Variants in UGT3A1 observed in about 807,000 individuals in gnomAD.
UGT3A1 encodes the protein UDP glycosyltransferase family 3 member A1, also known as UDP-glycosyltransferase 3A1.
Under a neutral mutation model 37.6 loss-of-function variants are expected in UGT3A1, and 40 were observed. The ratio of observed to expected loss-of-function variants is 1.06; its 90% confidence interval spans 0.83 to 1.38. The LOEUF is 1.38. UGT3A1 is among the 40% of genes most tolerant of loss of function. The probability of loss-of-function intolerance (pLI) is 0.00; values close to 1 mark genes in which losing one functional copy is unlikely to be tolerated. For synonymous variants in UGT3A1, 256 were observed against 232.3 expected, an observed-to-expected ratio of 1.10 and a Z score of -0.93; for missense variants, 642 against 634.2, an observed-to-expected ratio of 1.01 and a Z score of -0.13.
intron 2 of UGT3A1, among the ~76,000 whole-genome samples, chr5:35,975,455 CT>C (rs1346619967): frequency 1.3e-5 from 2 of 152,182 alleles, no homozygotes; most frequent in African/African-American, 2.4e-5. Context: ...CTTGCTTTCC[CT>C]TCATGCAATG....
chr5:35,986,025 A>C lies in UGT3A1; in HGVS notation c.196+2425T>G, dbSNP rs1740715605. On this transcript the variant is annotated intron_variant, in intron 2 of 6. Transcript: ENST00000274278. Reference sequence around the variant, plus strand: ...AACTTAATAGCAAATAAATAGTTAAAAATGGGAAAAAGATCTGAATAGACA... The same window carrying C: ...AACTTAATAGCAAATAAATAGTTAACAATGGGAAAAAGATCTGAATAGACA... 2.0e-5 allele frequency among the ~76,000 whole-genome samples: 3 copies of C among 152,286 alleles called. No homozygotes were observed. In the East Asian group the frequency reaches 5.8e-4, roughly 29 times the overall value.
intron 4 of UGT3A1, among the ~76,000 whole-genome samples, chr5:35,959,019 G>GA (rs1328844655): frequency 6.6e-6 from 1 of 152,226 alleles, no homozygotes; most frequent in Non-Finnish European, 1.5e-5. Context: ...GTTATGGACA[G>GA]AAGAATATAA....
chr5:35,992,967 T>C (rs1487014333), upstream of UGT3A1, among the ~76,000 whole-genome samples: 1 of 152,168 alleles, frequency 6.6e-6, no homozygotes, highest in East Asian at 1.9e-4. Context: ...CCCCCATATG[T>C]TGCCCACAAG....
chr5:35,972,412 G>C (rs1314999242), intron 2 of UGT3A1, among the ~76,000 whole-genome samples: 1 of 151,948 alleles, frequency 6.6e-6, no homozygotes, highest in Non-Finnish European at 1.5e-5. Context: ...GATCTTGCTT[G>C]AGACTTTCCA....
intron 2 of UGT3A1, 67 bp downstream of exon 2, chr5:35,988,383 T>TA (rs1316512768): frequency 8.2e-7 from 1 of 1,214,286 alleles, no homozygotes; most frequent in Non-Finnish European, 1.2e-6. Context: ...TGCAGCTGTA[T>TA]AAAAAATATA....
chr5:35,982,077 T>A (rs921084571), intron 2 of UGT3A1, among the ~76,000 whole-genome samples: 1 of 152,244 alleles, frequency 6.6e-6, no homozygotes, highest in Non-Finnish European at 1.5e-5. Context: ...AGAGTTGAGA[T>A]TTGGAAGCCT....
At chr5:35,963,037 G>A (rs2149957330) in intron 4 of UGT3A1, 1 of 669,752 alleles carries the variant, frequency 1.5e-6, no homozygotes, top group East Asian at 2.7e-5. Flanking sequence ...AGAAAGCAAG[G>A]GACTTTCTCT....
chr5:35,983,326 C>T (rs770258734), intron 2 of UGT3A1, among the ~76,000 whole-genome samples: 2 of 152,020 alleles, frequency 1.3e-5, no homozygotes, highest in South Asian at 2.1e-4. Flanking sequence ...TTCCAAGGCA[C>T]GTAAAACCTA....
At chr5:36,000,208 C>G (rs1181475664) in intron 1 of UGT3A1, among the ~76,000 whole-genome samples, 1 of 152,164 alleles carries the variant, frequency 6.6e-6, no homozygotes, top group South Asian at 2.1e-4. Context: ...TTAACTGTCC[C>G]CTTATGAAAT....
intron 1 of UGT3A1, among the ~76,000 whole-genome samples, chr5:35,997,676 C>T (rs373230369): frequency 2.0e-5 from 3 of 152,128 alleles, no homozygotes; most frequent in Non-Finnish European, 4.4e-5. Context: ...CCACCCACCT[C>T]GGCCTCCCAA....
intron 2 of UGT3A1, among the ~76,000 whole-genome samples, chr5:35,969,617 T>C (rs890284838): frequency 6.6e-6 from 1 of 152,192 alleles, no homozygotes; most frequent in Non-Finnish European, 1.5e-5. Flanking sequence ...CTTAACCCTT[T>C]GGAAATTTAA....
At chr5:35,978,541 A>C (rs1307658325) in intron 2 of UGT3A1, among the ~76,000 whole-genome samples, 2 of 151,798 alleles carry the variant, frequency 1.3e-5, no homozygotes, top group Admixed American at 6.6e-5. Flanking sequence ...AAACCATCAG[A>C]TCTCATAAGA....
chr5:35,963,091 C>T (rs1258224900), intron 4 of UGT3A1: 1 of 621,696 alleles, frequency 1.6e-6, no homozygotes, highest in African/African-American at 1.8e-5. Context: ...TGGATGCCAC[C>T]CACAGGTGCC....
chr5:35,994,539 C>T (rs1055702096), upstream of UGT3A1, among the ~76,000 whole-genome samples: 3 of 152,016 alleles, frequency 2.0e-5, no homozygotes, highest in East Asian at 3.9e-4. Flanking sequence ...AGAAGCACTC[C>T]CTAAGATGTT....
intron 1 of UGT3A1, among the ~76,000 whole-genome samples, chr5:35,989,836 A>G (rs1391484218): frequency 1.3e-5 from 2 of 152,192 alleles, no homozygotes; most frequent in Non-Finnish European, 2.9e-5. Flanking sequence ...GAACTAACAC[A>G]GTTTCTTAGT....
chr5:35,987,976 G>A (rs767791765), intron 2 of UGT3A1, among the ~76,000 whole-genome samples: 4 of 152,148 alleles, frequency 2.6e-5, no homozygotes, highest in African/African-American at 4.8e-5. Flanking sequence ...AGCATATGAG[G>A]TCGTGTTAAT....
chr5:35,976,237 C>A (rs918925435), intron 2 of UGT3A1, among the ~76,000 whole-genome samples: 1 of 152,168 alleles, frequency 6.6e-6, no homozygotes, highest in African/African-American at 2.4e-5. Context: ...AGTTACTGTA[C>A]TGATTGAAAT....
At chr5:35,990,858 G>T in intron 1 of UGT3A1, 1 of 1,151,274 alleles carries the variant, frequency 8.7e-7, no homozygotes, top group Non-Finnish European at 1.1e-6. Flanking sequence ...TCAAGCTCTG[G>T]TCCTGGTCTC....
At chr5:35,986,176 G>A (rs1482462195) in intron 2 of UGT3A1, among the ~76,000 whole-genome samples, 1 of 151,870 alleles carries the variant, frequency 6.6e-6, no homozygotes, top group Admixed American at 6.6e-5. Context: ...TCTGAAAAAC[G>A]GAATAATGAA....
Sources: allele counts gnomAD v4.1 joint callset (sites outside exome capture counted in the v4.1 genomes callset), GRCh38; gene constraint gnomAD v4.1.1; transcripts MANE v1.5; gene names NCBI Gene and HGNC (gene_info 2026-07-23, HGNC 2026-07-21).